Variants in DNAH8 observed in about 807,000 individuals in gnomAD.
The protein encoded by DNAH8 is dynein axonemal heavy chain 8.
A neutral mutation model predicts 562.1 loss-of-function variants in DNAH8; 382 were observed. The observed-to-expected ratio is 0.68, with a 90% CI of 0.63 to 0.74. The LOEUF is 0.74. DNAH8 is among the 30% of genes least tolerant of loss of function. DNAH8 has a pLI of 0.00. For synonymous variants in DNAH8, 1,881 were observed against 1,919.4 expected (o/e 0.98, Z 0.52); for missense variants, 5,203 against 5,620.4 (o/e 0.93, Z 2.37).
Position 38,872,589 on chromosome 6 carries a change from T to C in DNAH8, c.7044T>C (p.Gly2348=), listed in dbSNP as rs1583234639. ...RHGLMTLGPS[G]SGKTTVITIL... is the part of the protein sequence containing the mutation. ...GCTTGATGACTCTTGGGCCCAGTGG[T>C]TCTGGAAAGACAACCGTTATCACGA... Residue 2348 remains glycine, a synonymous_variant, in exon 50 of 93, where the codon GGT becomes GGC. Coordinates refer to ENST00000327475, the MANE Select transcript of DNAH8 (RefSeq NM_001206927.2). 1 of 1,613,930 alleles carries C rather than the reference T, an allele frequency of 6.2e-7. No homozygotes were observed. The highest frequency in any genetic ancestry group is 1.7e-5 in the Admixed American group (1 of 59,994).
In DNAH8 at chr6:38,775,828, G is replaced by A. The variant is rs1768007595; in HGVS notation, c.1839G>A (p.Met613Ile). The stretch of plus-strand genomic sequence containing the variant: ...CTACCATAGAAGGAATAGATATTAT[G>A]GCAATAAAATTCAGAAATATATACC... ...SNSTIEGIDIMAIKFRNIYQG... is the reference protein window; with the variant it reads ...SNSTIEGIDIIAIKFRNIYQG... Residue 613 changes from methionine (M) to isoleucine (I), a missense_variant, in exon 13 of 93, where the codon ATG (methionine) becomes ATA (isoleucine). Transcript: ENST00000327475. 2 of 1,600,564 alleles carry A rather than the reference G, an allele frequency of 1.2e-6. No individual in the cohort carries two copies. Among genetic ancestry groups the A allele is most frequent in the Non-Finnish European group, 1.7e-6 (2 of 1,168,056 alleles).
intron 82 of DNAH8, among the ~76,000 whole-genome samples, chr6:38,957,729 C>A (rs2150654603): frequency 6.6e-6 from 1 of 151,814 alleles, no homozygotes. Context: ...TCCTGAATAA[C>A]CAATGAGTCA....
chr6:38,905,277 A>G (rs1352424251), intron 62 of DNAH8, among the ~76,000 whole-genome samples: 2 of 152,226 alleles, frequency 1.3e-5, no homozygotes, highest in African/African-American at 4.8e-5. Context: ...TTTACATACA[A>G]CATTTCAGAT....
chr6:38,971,668 A>T lies in DNAH8; in HGVS notation c.12525+3A>T, dbSNP rs577132878. On this transcript the variant is annotated splice_donor_region_variant and intron_variant, in intron 83 of 92. Coordinates refer to ENST00000327475, the MANE Select transcript of DNAH8 (RefSeq NM_001206927.2). ...TGATTCAGATGTCAATGCAGCAGGT[A>T]TGTGACAAGAGACTGCTCCTGCTGC... 6.3e-6 allele frequency: 10 copies of T among 1,595,768 alleles called. No homozygotes were observed. In the East Asian group the frequency reaches 2.0e-4, roughly 32 times the overall value.
intron 10 of DNAH8, 95 bp from the exon 11 acceptor site, chr6:38,761,607 T>C (rs1331250919): frequency 2.6e-6 from 2 of 761,974 alleles, no homozygotes; most frequent in Non-Finnish European, 3.9e-6. Flanking sequence ...ATAGGTTTAT[T>C]CTTTATCATA....
Position 38,938,847 on chromosome 6 carries a change from T to G in DNAH8, c.11866T>G (p.Tyr3956Asp), listed in dbSNP as rs766799539. 6.2e-7 allele frequency: 1 copy of G among 1,613,032 alleles called. No homozygotes were observed. Among genetic ancestry groups the G allele is most frequent in the Non-Finnish European group, 8.5e-7 (1 of 1,179,270 alleles). Residue 3956 changes from tyrosine to aspartate, a missense_variant, in exon 79 of 93, where the codon TAC (tyrosine) becomes GAC (aspartate). This residue lies in a region of DNAH8 where 1,399 missense variants were observed against 1,518.4 expected (regional missense o/e 0.92). Transcript: ENST00000327475. ...AAAGAGAATTACAAATATTATCGAG[T>G]ACCTGACATATGAAGTTTTTACATA... ...PQKRITNIIE[Y>D]LTYEVFTYSV...
intron 85 of DNAH8, among the ~76,000 whole-genome samples, chr6:38,978,054 C>T (rs1227392649): frequency 2.0e-5 from 3 of 152,226 alleles, no homozygotes; most frequent in African/African-American, 7.2e-5. Flanking sequence ...ATTTCATAGT[C>T]TGGAGTTTTT....
intron 52 of DNAH8, among the ~76,000 whole-genome samples, chr6:38,873,790 G>A (rs1439053629): frequency 1.3e-5 from 2 of 149,692 alleles, no homozygotes; most frequent in Non-Finnish European, 3.0e-5. Context: ...CAGCTGGGGC[G>A]ACAGAGTGAG....
At chr6:38,725,304 T>TATAGTAATAATAATAATA (rs1554193009) in intron 3 of DNAH8, among the ~76,000 whole-genome samples, 2 of 135,386 alleles carry the variant, frequency 1.5e-5, no homozygotes, top group African/African-American at 5.6e-5. Flanking sequence ...CTCCAACTCA[T>TATAGTAATAATAATAATA]ATAATAATAA....
At chr6:39,024,314 C>T (rs2150796125) in intron 91 of DNAH8, among the ~76,000 whole-genome samples, 1 of 152,296 alleles carries the variant, frequency 6.6e-6, no homozygotes, top group East Asian at 1.9e-4. Context: ...AATCTTAAAA[C>T]ATCATAAAAT....
chr6:38,998,254 A>G (rs1765270523), intron 88 of DNAH8, among the ~76,000 whole-genome samples: 2 of 152,206 alleles, frequency 1.3e-5, no homozygotes, highest in Non-Finnish European at 2.9e-5. Context: ...ATCAAGGTGA[A>G]TAAATGCTTT....
At chr6:38,926,958 G>GGACTTAAGTCA (rs1782172359) in intron 74 of DNAH8, among the ~76,000 whole-genome samples, 1 of 152,056 alleles carries the variant, frequency 6.6e-6, no homozygotes, top group Admixed American at 6.6e-5. Context: ...CTCATGTTGT[G>GGACTTAAGTCA]GACTTAGAAT....
At position 38,974,283 on chromosome 6, in the gene DNAH8, G is replaced by C. The variant is rs1179301774; in HGVS notation, c.12679-91G>C. On this transcript the variant is annotated intron_variant, in intron 84 of 92. Coordinates refer to ENST00000327475, the MANE Select transcript of DNAH8 (RefSeq NM_001206927.2). Reference sequence around the variant, plus strand: ...AACACTTCCAGTCCCAAGCATTTCAGATAAAGGATATTCAGCCTAATATTG... The same window carrying C: ...AACACTTCCAGTCCCAAGCATTTCACATAAAGGATATTCAGCCTAATATTG... 3.8e-6 allele frequency: 4 copies of C among 1,046,232 alleles called. No individual in the cohort carries two copies. In the African/African-American group the frequency reaches 6.5e-5, roughly 17 times the overall value. The allele number at this position is 1,046,232 out of a possible 1,614,324, so 64.8% of individuals were successfully genotyped here.
In DNAH8 at chr6:38,883,458, T is replaced by A; in HGVS notation, c.8136+2T>A. ...GCCACAGAACCAATGATGTTTCAGG[T>A]GAAATCCATCATTTGCTGTAATATT... On this transcript the variant is annotated splice_donor_variant, in intron 55 of 92. Transcript: ENST00000327475. LOFTEE classifies it high-confidence loss of function. The A allele has an allele frequency of 6.2e-7, 1 of 1,604,578 alleles. No homozygotes were observed. Among genetic ancestry groups the A allele is most frequent in the Non-Finnish European group, 8.5e-7 (1 of 1,176,428 alleles).
chr6:38,908,002 G>A lies in DNAH8; in HGVS notation c.9395G>A (p.Gly3132Asp). 1 of 1,611,788 alleles carries A rather than the reference G, an allele frequency of 6.2e-7. No homozygotes were observed. The highest frequency in any genetic ancestry group is 8.5e-7 in the Non-Finnish European group (1 of 1,179,216). The change falls in exon 64 of 93, where the codon GGT (glycine) becomes GAT (aspartate). Residue 3132 changes from glycine (G) to aspartate (D), a missense_variant. By Grantham distance (94) the Gly-to-Asp change is moderately conservative (BLOSUM62 -1). Transcript: ENST00000327475. ...GATGAGATGGATGAAATCACCCAAG[G>A]TCTGATTTCAGTGATGAAGAGGGAG... Reference protein sequence around the residue: ...ARDEMDEITQGLISVMKRELP... With the variant: ...ARDEMDEITQDLISVMKRELP...
chr6:38,881,063 C>T (rs1157845893), intron 53 of DNAH8, among the ~76,000 whole-genome samples: 1 of 152,070 alleles, frequency 6.6e-6, no homozygotes, highest in Non-Finnish European at 1.5e-5. Flanking sequence ...CAATGGATAT[C>T]ATCACATAGC....
intron 79 of DNAH8, among the ~76,000 whole-genome samples, chr6:38,941,524 A>G (rs944154884): frequency 6.6e-6 from 1 of 152,168 alleles, no homozygotes; most frequent in Admixed American, 6.5e-5. Context: ...GGTCTAATGC[A>G]CTTATGGAAG....
At chr6:38,936,023 T>G (rs74447016) in intron 77 of DNAH8, among the ~76,000 whole-genome samples, 1 of 146,022 alleles carries the variant, frequency 6.8e-6, no homozygotes, top group East Asian at 2.4e-4. Context: ...GTGCTCAATC[T>G]ATTTTTTTTT....
At chr6:38,893,211 C>T (rs772491354) in intron 58 of DNAH8, among the ~76,000 whole-genome samples, 1 of 152,176 alleles carries the variant, frequency 6.6e-6, no homozygotes, top group Non-Finnish European at 1.5e-5. Context: ...TCTACATAAG[C>T]AGCCTTCTTT....
Sources: gnomAD v4.1 joint callset for allele counts (sites outside exome capture counted in the v4.1 genomes callset) on GRCh38, gnomAD v4.1.1 for gene constraint, gnomAD v4.1.1 regional missense constraint, MANE v1.5 for transcripts, NCBI Gene and HGNC (gene_info 2026-07-23, HGNC 2026-07-21) for gene names.